The following RYR2 variants were observed in gnomAD, a reference collection of about 807,000 sequenced individuals.
RYR2 encodes ryanodine receptor 2.
RYR2 carries 227 observed loss-of-function variants against 601.1 expected under a neutral mutation model. That is an observed-to-expected ratio of 0.38 (90% CI 0.34 to 0.42). The LOEUF (loss-of-function observed/expected upper bound fraction) is 0.42. Among genes scored for constraint, RYR2 ranks in the 10% least tolerant of loss-of-function variants. The pLI is 1.00. For synonymous variants in RYR2, 2,223 were observed against 2,175.1 expected, an observed-to-expected ratio of 1.02 and a Z score of -0.61; for missense variants, 4,646 against 6,156.5, an observed-to-expected ratio of 0.75 and a Z score of 8.21.
chr1:237,400,996 T>C (rs780156084), intron 10 of RYR2, among the ~76,000 whole-genome samples: 1 of 152,204 alleles, frequency 6.6e-6, no homozygotes, highest in Non-Finnish European at 1.5e-5. Context: ...ACTGTATCCC[T>C]AAAATAATTG....
intron 17 of RYR2, among the ~76,000 whole-genome samples, chr1:237,483,390 C>A (rs1048846059): frequency 6.6e-6 from 1 of 152,156 alleles, no homozygotes; most frequent in African/African-American, 2.4e-5. Context: ...CTATTCATAA[C>A]AATTTCTCCT....
At chr1:237,284,603 CACAT>C (rs1243817074) in intron 2 of RYR2, among the ~76,000 whole-genome samples, 17 of 105,722 alleles carry the variant, frequency 1.6e-4, no homozygotes, top group Admixed American at 6.9e-4. Context: ...GACCCACACA[CACAT>C]ACACACCACA....
At chr1:237,383,726 G>A (rs1197729942) in intron 8 of RYR2, among the ~76,000 whole-genome samples, 1 of 152,026 alleles carries the variant, frequency 6.6e-6, no homozygotes, top group South Asian at 2.1e-4. Flanking sequence ...ACCGCGCCTG[G>A]CCCTTCAATC....
intron 1 of RYR2, among the ~76,000 whole-genome samples, chr1:237,177,310 T>G (rs1212730223): frequency 6.6e-6 from 1 of 152,210 alleles, no homozygotes. Context: ...ATTACAGATA[T>G]GTAAATTATG....
intron 27 of RYR2, among the ~76,000 whole-genome samples, chr1:237,553,169 T>C (rs765295487): frequency 1.8e-4 from 28 of 152,076 alleles, no homozygotes; most frequent in Non-Finnish European, 4.0e-4. Context: ...AAATATTGTC[T>C]CTTATGTTTC....
At chr1:237,461,839 G>A (rs1659515323) in intron 16 of RYR2, among the ~76,000 whole-genome samples, 1 of 110,240 alleles carries the variant, frequency 9.1e-6, no homozygotes, top group African/African-American at 2.8e-5. Flanking sequence ...AGAATTATGA[G>A]AGTTTTTTTA....
chr1:237,275,019 G>A (rs138103241), intron 2 of RYR2, among the ~76,000 whole-genome samples: 38 of 151,860 alleles, frequency 2.5e-4, no homozygotes, highest in African/African-American at 8.9e-4. Flanking sequence ...TTTCTAGCAT[G>A]TGTCCCCATC....
intron 2 of RYR2, among the ~76,000 whole-genome samples, chr1:237,322,921 G>A (rs1695774625): frequency 6.6e-6 from 1 of 151,180 alleles, no homozygotes; most frequent in Non-Finnish European, 1.5e-5. Context: ...GTAATTCGTG[G>A]CTAGAGGAAC....
intron 1 of RYR2, among the ~76,000 whole-genome samples, chr1:237,259,148 T>C (rs140977781): frequency 6.6e-6 from 1 of 152,224 alleles, no homozygotes; most frequent in East Asian, 1.9e-4. Flanking sequence ...ATTTAAACTT[T>C]TGCATAAGAG....
At chr1:237,685,377 G>C (rs1038998416) in intron 62 of RYR2, among the ~76,000 whole-genome samples, 1 of 152,172 alleles carries the variant, frequency 6.6e-6, no homozygotes, top group East Asian at 1.9e-4. Context: ...AATCAGCAGA[G>C]ATTGTCAAGT....
At chr1:237,815,923 C>G (rs1416391930) in intron 100 of RYR2, among the ~76,000 whole-genome samples, 1 of 152,126 alleles carries the variant, frequency 6.6e-6, no homozygotes, top group African/African-American at 2.4e-5. Context: ...AAATTTTAAC[C>G]CAAGACCCAA....
chr1:237,821,951 T>G (rs567745747), intron 101 of RYR2, among the ~76,000 whole-genome samples: 2 of 151,380 alleles, frequency 1.3e-5, no homozygotes, highest in East Asian at 3.9e-4. Context: ...CTCAATGAAA[T>G]AAGGTGAGAA....
intron 1 of RYR2, among the ~76,000 whole-genome samples, chr1:237,220,455 G>C (rs1005887036): frequency 2.0e-5 from 3 of 152,298 alleles, no homozygotes; most frequent in South Asian, 4.1e-4. Flanking sequence ...TATGCTACTG[G>C]CTTTGAGCCA....
intron 2 of RYR2, among the ~76,000 whole-genome samples, chr1:237,330,579 G>T (rs900136728): frequency 6.6e-6 from 1 of 152,138 alleles, no homozygotes; most frequent in African/African-American, 2.4e-5. Flanking sequence ...GTAGAGATGG[G>T]GTTTCACTAT....
At chr1:237,109,498 C>T (rs146710633) in intron 1 of RYR2, among the ~76,000 whole-genome samples, 6 of 152,154 alleles carry the variant, frequency 3.9e-5, no homozygotes, top group Admixed American at 1.3e-4. Context: ...TCTATGCTTT[C>T]CATCCCTAAA....
At chr1:237,323,967 C>T (rs1390189892) in intron 2 of RYR2, among the ~76,000 whole-genome samples, 1 of 152,112 alleles carries the variant, frequency 6.6e-6, no homozygotes, top group Non-Finnish European at 1.5e-5. Flanking sequence ...TAATGTTAAC[C>T]TCTGGCGCAA....
intron 71 of RYR2, among the ~76,000 whole-genome samples, chr1:237,716,229 G>T (rs1689255407): frequency 1.3e-5 from 2 of 151,934 alleles, no homozygotes; most frequent in Non-Finnish European, 1.5e-5. Context: ...TCAACCTCAT[G>T]CTATGATACA....
intron 31 of RYR2, among the ~76,000 whole-genome samples, chr1:237,591,373 C>A (rs1021612406): frequency 6.6e-6 from 1 of 152,084 alleles, no homozygotes; most frequent in Non-Finnish European, 1.5e-5. Flanking sequence ...ACTTGCAGAG[C>A]ATTTTCTCCA....
At chr1:237,283,344 G>A (rs79386322) in intron 2 of RYR2, among the ~76,000 whole-genome samples, 137 of 151,260 alleles carry the variant, frequency 9.1e-4, no homozygotes, top group African/African-American at 3.1e-3. Context: ...TCCCTCCCAC[G>A]CTCCTCTCTT....
Sources: allele counts gnomAD v4.1 joint callset (sites outside exome capture counted in the v4.1 genomes callset), GRCh38; gene constraint gnomAD v4.1.1; transcripts MANE v1.5; gene names NCBI Gene and HGNC (gene_info 2026-07-23, HGNC 2026-07-21).